TPTE2: variants seen among roughly 807,000 people sequenced by gnomAD.
TPTE2 encodes the protein phosphatidylinositol 3,4,5-trisphosphate 3-phosphatase TPTE2.
TPTE2 carries 53 observed loss-of-function variants against 78.6 expected under a neutral mutation model. The observed-to-expected ratio is 0.67, with a 90% CI of 0.54 to 0.85. The LOEUF is 0.85. Among genes scored for constraint, TPTE2 ranks in the 40% least tolerant of loss-of-function variants. TPTE2 has a pLI of 0.00. For synonymous variants in TPTE2, 175 were observed against 206.2 expected (o/e 0.85, Z 1.30); for missense variants, 461 against 623.0 (o/e 0.74, Z 2.77).
chr13:19,489,739 C>T (rs1159123442), intron 3 of TPTE2, among the ~76,000 whole-genome samples: 1 of 132,616 alleles, frequency 7.5e-6, no homozygotes. Context: ...TATATACACA[C>T]ACACATATAT....
At chr13:19,552,010 A>G in the TPTE2 span, among the ~76,000 whole-genome samples, 2 of 152,260 alleles carry the variant, frequency 1.3e-5, no homozygotes, top group Non-Finnish European at 2.9e-5. Flanking sequence ...TTAGGAAGAG[A>G]TAACATCTCC....
In TPTE2 at chr13:19,527,255, G is replaced by T. The variant is rs551702206; in HGVS notation, c.-44+9341C>A. ...TTCTAATGTTCTATAGCAGAGTAGG[G>T]TGACTACAGTTAACAAAAATGTATT... is the stretch of plus-strand genomic sequence containing the variant. On this transcript the variant is annotated intron_variant, in intron 1 of 17. Transcript: ENST00000390680. 2.0e-5 allele frequency among the ~76,000 whole-genome samples: 3 copies of T among 152,268 alleles called. No homozygotes were observed. In the South Asian group the frequency reaches 6.2e-4, roughly 32 times the overall value.
rs1473890240 is a variant in TPTE2, at chr13:19,440,483, C to T, written c.974-2330G>A. On this transcript the variant is annotated intron_variant, in intron 13 of 19. Transcript: ENST00000400230. ...CAAAGGAACATACTTCAAAATAGAGCCATGGGCCGGATGCAGTGGCTCACA... is the reference window on the plus strand; with the variant it reads ...CAAAGGAACATACTTCAAAATAGAGTCATGGGCCGGATGCAGTGGCTCACA... Among the ~76,000 whole-genome samples, 14 of 152,120 alleles carry T rather than the reference C, an allele frequency of 9.2e-5. No homozygotes were observed. The East Asian group carries it at 2.5e-3, about 27-fold the overall frequency.
chr13:19,480,474 G>C (rs562131970), intron 4 of TPTE2, among the ~76,000 whole-genome samples: 1 of 152,270 alleles, frequency 6.6e-6, no homozygotes, highest in South Asian at 2.1e-4. Flanking sequence ...CTTGGGGTAA[G>C]AAGGACTTTC....
chr13:19,443,417 A>AT (rs1282277539), intron 13 of TPTE2, among the ~76,000 whole-genome samples: 4 of 63,308 alleles, frequency 6.3e-5, no homozygotes, highest in African/African-American at 9.8e-5. Flanking sequence ...TTTTTGTTTC[A>AT]TTTTTTCAGA....
At chr13:19,512,813 G>A (rs754687360) in intron 1 of TPTE2, among the ~76,000 whole-genome samples, 6 of 152,028 alleles carry the variant, frequency 3.9e-5, no homozygotes, top group Non-Finnish European at 8.8e-5. Flanking sequence ...TCCTGACCTC[G>A]TGGTCCACCT....
the TPTE2 span, among the ~76,000 whole-genome samples, chr13:19,551,534 C>T: frequency 5.3e-4 from 80 of 151,940 alleles, no homozygotes; most frequent in African/African-American, 1.8e-3. Flanking sequence ...TGCAGTGAGC[C>T]GAGATCATGC....
At chr13:19,477,850 T>C in intron 4 of TPTE2, among the ~76,000 whole-genome samples, 1 of 152,188 alleles carries the variant, frequency 6.6e-6, no homozygotes, top group Non-Finnish European at 1.5e-5. Context: ...GAAATAACTA[T>C]GACTCAGTAA....
chr13:19,479,383 T>G (rs529923573), intron 4 of TPTE2, among the ~76,000 whole-genome samples: 1 of 152,228 alleles, frequency 6.6e-6, no homozygotes, highest in South Asian at 2.1e-4. Context: ...TTCTAAGCAT[T>G]TAAATATAAA....
intron 1 of TPTE2, among the ~76,000 whole-genome samples, chr13:19,496,802 A>T (rs1417332982): frequency 6.6e-6 from 1 of 152,182 alleles, no homozygotes; most frequent in Non-Finnish European, 1.5e-5. Flanking sequence ...AGGAGCCAAG[A>T]TGGCCGAACA....
intron 1 of TPTE2, among the ~76,000 whole-genome samples, chr13:19,523,432 T>G (rs1455001927): frequency 6.6e-6 from 1 of 152,188 alleles, no homozygotes; most frequent in African/African-American, 2.4e-5. Flanking sequence ...GTTCCTAGCT[T>G]GCCATTTTTA....
chr13:19,548,700 C>T, the TPTE2 span, among the ~76,000 whole-genome samples: 2 of 151,292 alleles, frequency 1.3e-5, no homozygotes, highest in African/African-American at 2.4e-5. Context: ...TGACCATATA[C>T]AAAAATCAAC....
intron 3 of TPTE2, among the ~76,000 whole-genome samples, chr13:19,485,533 T>C (rs1163289571): frequency 2.0e-5 from 3 of 152,144 alleles, no homozygotes; most frequent in Non-Finnish European, 4.4e-5. Context: ...TGAATGTATT[T>C]GGGGTTCTTT....
At chr13:19,514,621 G>GTGTGTGTGTGTGTGTC (rs1259108886) in intron 1 of TPTE2, among the ~76,000 whole-genome samples, 5 of 148,482 alleles carry the variant, frequency 3.4e-5, no homozygotes, top group South Asian at 4.2e-4. Context: ...GTGTGTGTGT[G>GTGTGTGTGTGTGTGTC]TGTGTGTGTC....
chr13:19,543,146 C>T, the TPTE2 span, among the ~76,000 whole-genome samples: 1 of 151,818 alleles, frequency 6.6e-6, no homozygotes, highest in Non-Finnish European at 1.5e-5. Flanking sequence ...CAACCTCCAT[C>T]TTCTGGGCTC....
At chr13:19,552,259 CACCAAGTAATA>C in the TPTE2 span, among the ~76,000 whole-genome samples, 2 of 152,288 alleles carry the variant, frequency 1.3e-5, no homozygotes, top group African/African-American at 4.8e-5. Flanking sequence ...ATAGAAAATT[CACCAAGTAATA>C]ACCTGTTGAG....
chr13:19,449,945 T>C, intron 13 of TPTE2, 131 bp downstream of exon 16: 4 of 787,540 alleles, frequency 5.1e-6, no homozygotes, highest in Non-Finnish European at 8.0e-6. Flanking sequence ...CTTCTTTCAG[T>C]CTTGGAGCTA....
At chr13:19,453,446 T>C (rs1432597746) in intron 10 of TPTE2, among the ~76,000 whole-genome samples, 4 of 151,750 alleles carry the variant, frequency 2.6e-5, no homozygotes, top group Non-Finnish European at 5.9e-5. Context: ...GAAACAAATA[T>C]AACTGGACAG....
intron 1 of TPTE2, among the ~76,000 whole-genome samples, chr13:19,525,615 A>G (rs1253751982): frequency 6.6e-6 from 1 of 152,338 alleles, no homozygotes; most frequent in East Asian, 1.9e-4. Flanking sequence ...GCTAGGAAAT[A>G]CCATTCTGAC....
Sources: gnomAD v4.1 joint callset for allele counts (sites outside exome capture counted in the v4.1 genomes callset) on GRCh38, gnomAD v4.1.1 for gene constraint, MANE v1.5 for transcripts, NCBI Gene and HGNC (gene_info 2026-07-23, HGNC 2026-07-21) for gene names.